The following CSGALNACT1 variants were observed in gnomAD, a reference collection of about 807,000 sequenced individuals.
CSGALNACT1 encodes beta4GalNAcT-1.
CSGALNACT1 carries 52 observed loss-of-function variants against 51.0 expected under a neutral mutation model. The observed-to-expected ratio is 1.02, with a 90% CI of 0.82 to 1.29. CSGALNACT1 has a LOEUF of 1.29. CSGALNACT1 is among the 50% of genes most tolerant of loss of function. CSGALNACT1 has a pLI of 0.00. For synonymous variants in CSGALNACT1, 341 were observed against 254.4 expected (o/e 1.34, Z -3.24); for missense variants, 935 against 679.2 (o/e 1.38, Z -4.19).
At chr8:19,441,395 A>G (rs1457578277) in intron 5 of CSGALNACT1, among the ~76,000 whole-genome samples, 1 of 152,228 alleles carries the variant, frequency 6.6e-6, no homozygotes, top group East Asian at 1.9e-4. Flanking sequence ...AACAGAACAG[A>G]GCCCTCAGAA....
chr8:19,506,858 C>A (rs1046944628), intron 3 of CSGALNACT1, among the ~76,000 whole-genome samples: 1 of 152,192 alleles, frequency 6.6e-6, no homozygotes, highest in African/African-American at 2.4e-5. Flanking sequence ...GTACAGCCTG[C>A]AGAACTGTGA....
chr8:19,713,196 C>G (rs1051420871), intron 1 of CSGALNACT1, among the ~76,000 whole-genome samples: 4 of 152,170 alleles, frequency 2.6e-5, no homozygotes, highest in African/African-American at 9.7e-5. Flanking sequence ...GCAGCTGAAT[C>G]ATTTCCACTC....
chr8:19,408,370 G>A (rs2054784191), intron 9 of CSGALNACT1, among the ~76,000 whole-genome samples: 1 of 148,128 alleles, frequency 6.8e-6, no homozygotes. Context: ...TGTTGTCCAA[G>A]TTGGTCTTGA....
intron 1 of CSGALNACT1, among the ~76,000 whole-genome samples, chr8:19,672,990 A>T (rs931665217): frequency 1.3e-5 from 2 of 152,216 alleles, no homozygotes; most frequent in Non-Finnish European, 2.9e-5. Context: ...AAGTCTCAAC[A>T]TCCTCTTTCC....
intron 3 of CSGALNACT1, among the ~76,000 whole-genome samples, chr8:19,529,252 G>A (rs1189434242): frequency 6.6e-6 from 1 of 152,166 alleles, no homozygotes; most frequent in African/African-American, 2.4e-5. Context: ...CAATGAATAT[G>A]CAGAAATTTT....
At chr8:19,694,273 T>C (rs556336554) in intron 1 of CSGALNACT1, among the ~76,000 whole-genome samples, 1 of 152,332 alleles carries the variant, frequency 6.6e-6, no homozygotes, top group East Asian at 1.9e-4. Flanking sequence ...AAAATGATTA[T>C]GCTTTTGGCA....
intron 1 of CSGALNACT1, among the ~76,000 whole-genome samples, chr8:19,663,494 G>C (rs1041706506): frequency 6.6e-6 from 1 of 151,962 alleles, no homozygotes; most frequent in Non-Finnish European, 1.5e-5. Flanking sequence ...TAGCACGAGA[G>C]GTTCCTACAA....
intron 1 of CSGALNACT1, among the ~76,000 whole-genome samples, chr8:19,747,712 A>C (rs534453428): frequency 1.7e-4 from 26 of 152,274 alleles, no homozygotes; most frequent in Middle Eastern, 3.4e-3. Context: ...ATGGATTAAG[A>C]ACTTGCCCAG....
At chr8:19,579,196 TA>T (rs1475353110) in intron 3 of CSGALNACT1, among the ~76,000 whole-genome samples, 2 of 152,210 alleles carry the variant, frequency 1.3e-5, no homozygotes, top group African/African-American at 4.8e-5. Flanking sequence ...CAGCATGGAC[TA>T]AAAGGCCCAC....
intron 4 of CSGALNACT1, among the ~76,000 whole-genome samples, chr8:19,488,351 TTATATATATTTATATATACATATATA>T (rs2073505714): frequency 8.0e-6 from 1 of 124,546 alleles, no homozygotes; most frequent in South Asian, 2.7e-4. Context: ...CTCCATCTCA[TTATATATATTTATATATACATATATA>T]TATATATATA....
chr8:19,701,065 C>T (rs2061838175), intron 1 of CSGALNACT1, among the ~76,000 whole-genome samples: 3 of 149,038 alleles, frequency 2.0e-5, no homozygotes, highest in African/African-American at 7.4e-5. Flanking sequence ...CTTATGCCAT[C>T]AAGACAGAAA....
intron 1 of CSGALNACT1, among the ~76,000 whole-genome samples, chr8:19,609,818 G>T (rs900717785): frequency 7.2e-5 from 11 of 152,116 alleles, no homozygotes; most frequent in African/African-American, 1.7e-4. Context: ...ATTTAAATAC[G>T]TGAGTTTATT....
At chr8:19,472,288 A>T (rs372110552) in intron 4 of CSGALNACT1, among the ~76,000 whole-genome samples, 1 of 152,350 alleles carries the variant, frequency 6.6e-6, no homozygotes, top group Middle Eastern at 3.4e-3. Context: ...GGAAAGCACA[A>T]AACTTAAGAT....
At chr8:19,496,860 G>A (rs2075569505) in intron 4 of CSGALNACT1, among the ~76,000 whole-genome samples, 1 of 152,152 alleles carries the variant, frequency 6.6e-6, no homozygotes, top group African/African-American at 2.4e-5. Flanking sequence ...CTTTCTCCAG[G>A]AACCCCAATG....
chr8:19,543,520 T>G (rs938879244), intron 3 of CSGALNACT1, among the ~76,000 whole-genome samples: 2 of 152,314 alleles, frequency 1.3e-5, no homozygotes, highest in East Asian at 3.9e-4. Flanking sequence ...GAGAGCCTGG[T>G]ATTTGGCAGG....
intron 3 of CSGALNACT1, among the ~76,000 whole-genome samples, chr8:19,551,524 A>C (rs1271893788): frequency 6.6e-6 from 1 of 152,212 alleles, no homozygotes; most frequent in Non-Finnish European, 1.5e-5. Flanking sequence ...GTTCACTGGC[A>C]ATAAACTTCT....
chr8:19,429,225 G>A lies in CSGALNACT1; in HGVS notation c.954-8707C>T, dbSNP rs145884708. Among the ~76,000 whole-genome samples the A allele has an allele frequency of 9.8e-3, 1,494 of 152,250 alleles. 26 individuals are homozygous for A. Among genetic ancestry groups the A allele is most frequent in the African/African-American group, 0.035 (1,446 of 41,528 alleles). The stretch of plus-strand genomic sequence containing the variant: ...AGAGTCCTACTCTGTCACCCAGGCT[G>A]GAGTACAGTGGTGCAATCTTGGTTC... On this transcript the variant is annotated intron_variant, in intron 6 of 9. Coordinates refer to ENST00000454498, the Ensembl canonical transcript of CSGALNACT1.
chr8:19,616,184 G>A (rs974689173), intron 1 of CSGALNACT1, among the ~76,000 whole-genome samples: 6 of 152,184 alleles, frequency 3.9e-5, no homozygotes, highest in African/African-American at 7.2e-5. Flanking sequence ...ATATTCATAT[G>A]AGATATTTTT....
At chr8:19,666,965 AAG>A (rs1386745805) in intron 1 of CSGALNACT1, among the ~76,000 whole-genome samples, 4 of 10,136 alleles carry the variant, frequency 3.9e-4, no homozygotes, top group African/African-American at 2.2e-3. Context: ...GAAAGAAAGA[AAG>A]AAAGAAAGAA....
Sources: allele counts gnomAD v4.1 joint callset (sites outside exome capture counted in the v4.1 genomes callset), GRCh38; gene constraint gnomAD v4.1.1; transcripts MANE v1.5; gene names NCBI Gene and HGNC (gene_info 2026-07-23, HGNC 2026-07-21).